The following CAPN14 variants were observed in gnomAD, a reference collection of about 807,000 sequenced individuals.
CAPN14 encodes the protein calpain 14, also known as calpain-14.
In CAPN14, 94 loss-of-function variants were observed where a neutral mutation model predicts 101.3. The ratio of observed to expected loss-of-function variants is 0.93; its 90% confidence interval spans 0.79 to 1.10. The LOEUF is 1.10. CAPN14 is among the 50% of genes least tolerant of loss of function. CAPN14 has a pLI of 0.00. For missense variants in CAPN14, 837 were observed against 828.4 expected (o/e 1.01, Z -0.13); for synonymous variants, 338 against 317.9 (o/e 1.06, Z -0.67).
intron 5 of CAPN14, 71 bp downstream of exon 5, chr2:31,201,791 C>T (rs1681794571): frequency 2.0e-6 from 3 of 1,521,198 alleles, no homozygotes; most frequent in Non-Finnish European, 2.7e-6. Flanking sequence ...CCTGACTCCA[C>T]TCCCCTCCCT....
chr2:31,214,990 C>G (rs1267697019), intron 1 of CAPN14, among the ~76,000 whole-genome samples: 1 of 152,064 alleles, frequency 6.6e-6, no homozygotes, highest in Non-Finnish European at 1.5e-5. Context: ...CATCTCTTCT[C>G]TCCGGCACAG....
In CAPN14 at chr2:31,202,950, C is replaced by T. The variant is rs1035123001; in HGVS notation, c.295+120G>A. On this transcript the variant is annotated intron_variant, in intron 3 of 21. Coordinates refer to ENST00000403897, the MANE Select transcript of CAPN14 (RefSeq NM_001145122.2). ...AGGTAGCGTTTTGCCAGTGAATAGCCATTTTGGGCCTCTCTCCAGTGGGGA... is the reference window on the plus strand; with the variant it reads ...AGGTAGCGTTTTGCCAGTGAATAGCTATTTTGGGCCTCTCTCCAGTGGGGA... 3 of 764,778 alleles carry T rather than the reference C, an allele frequency of 3.9e-6. No homozygotes were observed. In the African/African-American group the frequency reaches 5.3e-5, roughly 13 times the overall value. The allele number at this position is 764,778 out of a possible 1,614,324, so 47.4% of individuals were successfully genotyped here. A position where few individuals can be genotyped will look rare whatever the true frequency, so the allele number is the denominator to read the frequency against.
Position 31,176,191 on chromosome 2 carries a change from T to G in CAPN14, c.2028+396A>C, listed in dbSNP as rs561200950. 4.6e-5 allele frequency among the ~76,000 whole-genome samples: 7 copies of G among 152,298 alleles called. No individual in the cohort carries two copies. The South Asian group carries it at 1.4e-3, about 32-fold the overall frequency. ...TGGGAAGAACAAACCTAGGCAGAGT[T>G]TCCTCAGTTCAGGTACCCAGCAAAA... On this transcript the variant is annotated intron_variant, in intron 21 of 21. Coordinates refer to ENST00000403897, the MANE Select transcript of CAPN14 (RefSeq NM_001145122.2).
intron 1 of CAPN14, among the ~76,000 whole-genome samples, chr2:31,214,976 GCA>G (rs1682575511): frequency 6.6e-6 from 1 of 151,252 alleles, no homozygotes; most frequent in Admixed American, 6.6e-5. Context: ...GAGCCCTGGG[GCA>G]TCATCTCTTC....
intron 16 of CAPN14, among the ~76,000 whole-genome samples, chr2:31,185,377 T>A (rs892517670): frequency 4.6e-5 from 7 of 152,228 alleles, no homozygotes; most frequent in African/African-American, 1.7e-4. Context: ...TCATTTATCA[T>A]GGGAGACTCA....
chr2:31,183,573 A>G (rs998527050), intron 16 of CAPN14, among the ~76,000 whole-genome samples: 44 of 152,106 alleles, frequency 2.9e-4, no homozygotes, highest in African/African-American at 1.0e-3. Flanking sequence ...GCAGCCAAAA[A>G]ACACATGAAA....
chr2:31,185,305 G>C (rs975310534), intron 16 of CAPN14, among the ~76,000 whole-genome samples: 3 of 152,074 alleles, frequency 2.0e-5, no homozygotes, highest in African/African-American at 4.8e-5. Flanking sequence ...ATAACTCTTG[G>C]GAATGGTGAT....
At position 31,174,584 on chromosome 2, in the gene CAPN14, G is replaced by T; in HGVS notation, c.*97C>A. ...TGACGGCTAGTGAGGCTGTCCTGAA[G>T]ATCAGTAAGTAGGGTGGGCATGGGT... On this transcript the variant is annotated 3_prime_UTR_variant, in exon 22 of 22. Transcript: ENST00000403897. The T allele has an allele frequency of 7.6e-7, 1 of 1,309,916 alleles. No individual in the cohort carries two copies. The allele number at this position is 1,309,916 out of a possible 1,614,324, so 81.1% of individuals were successfully genotyped here. A position where few individuals can be genotyped will look rare whatever the true frequency, so the allele number is the denominator to read the frequency against.
chr2:31,176,548 G>A (rs7556787), intron 21 of CAPN14, 39 bp downstream of exon 21: 127 of 1,518,576 alleles, frequency 8.4e-5, no homozygotes, highest in Non-Finnish European at 9.6e-5. Context: ...CCACCTCTAC[G>A]TAAGATGACA....
At chr2:31,231,010 T>TA (rs1683175387) in intron 1 of CAPN14, among the ~76,000 whole-genome samples, 1 of 152,204 alleles carries the variant, frequency 6.6e-6, no homozygotes, top group South Asian at 2.1e-4. Flanking sequence ...AAAACCATAT[T>TA]AACCACTGTA....
intron 1 of CAPN14, among the ~76,000 whole-genome samples, chr2:31,216,744 C>T (rs1682662397): frequency 6.6e-6 from 1 of 152,168 alleles, no homozygotes; most frequent in South Asian, 2.1e-4. Context: ...GACTACCTCG[C>T]TCTGGAGTCC....
intron 1 of CAPN14, among the ~76,000 whole-genome samples, chr2:31,206,933 C>T (rs1465725119): frequency 6.6e-6 from 1 of 152,188 alleles, no homozygotes; most frequent in East Asian, 1.9e-4. Context: ...AGTCCCTGCC[C>T]TCATGGCTCT....
chr2:31,205,101 T>C, intron 2 of CAPN14, 122 bp downstream of exon 2: 7 of 781,146 alleles, frequency 9.0e-6, no homozygotes, highest in South Asian at 5.0e-5. Context: ...GAGTGTGTTG[T>C]GTTGAGTGGA....
At position 31,232,524 on chromosome 2, in the gene CAPN14, T is replaced by C. The variant is rs759589490; in HGVS notation, c.-177+1267A>G. On this transcript the variant is annotated intron_variant and NMD_transcript_variant, in intron 1 of 21. Transcript: ENST00000398824. ...GGTTTAATTAACTCACAGTTCTGCA[T>C]GCCTAGAGAGGCCTCAGGAAACTTA... 5.3e-5 allele frequency among the ~76,000 whole-genome samples: 8 copies of C among 152,314 alleles called. No homozygotes were observed. The South Asian group carries it at 6.2e-4, about 12-fold the overall frequency.
chr2:31,178,847 C>G (rs1680443827), intron 17 of CAPN14, among the ~76,000 whole-genome samples: 3 of 151,930 alleles, frequency 2.0e-5, no homozygotes, highest in South Asian at 4.2e-4. Context: ...ATGACCACAG[C>G]TAGCATTAAG....
At chr2:31,196,560 G>A (rs1357692867) in intron 8 of CAPN14, among the ~76,000 whole-genome samples, 1 of 151,206 alleles carries the variant, frequency 6.6e-6, no homozygotes, top group Non-Finnish European at 1.5e-5. Context: ...ATATGGACAC[G>A]TTTGTAGACT....
At chr2:31,211,246 AAG>A (rs1325110942) in intron 1 of CAPN14, among the ~76,000 whole-genome samples, 3 of 86,170 alleles carry the variant, frequency 3.5e-5, no homozygotes, top group Non-Finnish European at 7.7e-5. Context: ...AAAAGAGAGA[AAG>A]AGAGGGAGGG....
intron 1 of CAPN14, among the ~76,000 whole-genome samples, chr2:31,217,011 C>T (rs188038962): frequency 4.6e-5 from 7 of 152,256 alleles, no homozygotes; most frequent in African/African-American, 1.7e-4. Flanking sequence ...TCTGAGGATC[C>T]CATAAGGCCT....
In CAPN14 at chr2:31,192,009, A is replaced by G; in HGVS notation, c.1204T>C (p.Ser402Pro). The change falls in exon 11 of 22, where the codon TCC becomes CCC. Residue 402 changes from serine to proline, a missense_variant. Coordinates refer to ENST00000403897, the MANE Select transcript of CAPN14 (RefSeq NM_001145122.2). ...RSLRPCSVLV[S>P]LLQKPRHRCR... is the part of the protein sequence containing the mutation. ...CTGTGCCTGGGCTTCTGGAGCAGGGACACCAGCACGCTGCAGGGCCTCAGG... is the reference window on the plus strand; with the variant it reads ...CTGTGCCTGGGCTTCTGGAGCAGGGGCACCAGCACGCTGCAGGGCCTCAGG... 6.4e-7 allele frequency: 1 copy of G among 1,551,592 alleles called. No individual in the cohort carries two copies. The highest frequency in any genetic ancestry group is 2.4e-5 in the East Asian group (1 of 40,922).
Sources: gnomAD v4.1 joint callset for allele counts (sites outside exome capture counted in the v4.1 genomes callset) on GRCh38, gnomAD v4.1.1 for gene constraint, MANE v1.5 for transcripts, NCBI Gene and HGNC (gene_info 2026-07-23, HGNC 2026-07-21) for gene names.